The following ETNK2 variants were observed in gnomAD, a reference collection of about 807,000 sequenced individuals.
ETNK2 encodes the protein ethanolamine kinase-like protein.
Under a neutral mutation model 46.2 loss-of-function variants are expected in ETNK2, and 33 were observed. That is an observed-to-expected ratio of 0.71 (90% confidence interval 0.54 to 0.96). The LOEUF is 0.96. Ranked by LOEUF, ETNK2 falls within the 40% of genes least tolerant of loss-of-function variation. The pLI, the probability that ETNK2 is intolerant of heterozygous loss-of-function variation, is 0.00. For missense variants in ETNK2, 445 were observed against 509.7 expected (o/e 0.87, Z 1.22); for synonymous variants, 194 against 209.0 (o/e 0.93, Z 0.62).
chr1:204,134,833 C>A, intron 6 of ETNK2: 1 of 822,010 alleles, frequency 1.2e-6, no homozygotes, highest in Non-Finnish European at 1.9e-6. Context: ...TAATGTTTAC[C>A]AACCCTAAGG....
Position 204,141,403 on chromosome 1 carries a change from C to T in ETNK2, c.696G>A (p.Leu232=). 1 of 1,612,934 alleles carries T rather than the reference C, an allele frequency of 6.2e-7. No individual in the cohort carries two copies. Residue 232 remains leucine, a synonymous_variant, in exon 4 of 8, where the codon CTG becomes CTA. Transcript: ENST00000367202. The stretch of plus-strand genomic sequence containing the variant: ...ACTCCAGCTGGGACAGATGCTCCTT[C>T]AGCCAGGCCAGCTCCCGTTCCAACA... ...VEVLERELAW[L]KEHLSQLESP...
intron 3 of ETNK2, among the ~76,000 whole-genome samples, chr1:204,144,664 A>T (rs966629131): frequency 1.2e-4 from 19 of 152,162 alleles, no homozygotes; most frequent in Non-Finnish European, 2.2e-4. Context: ...TTGGCTACTT[A>T]GCCTGACATT....
chr1:204,137,254 G>C lies in ETNK2; in HGVS notation c.869-5C>G, dbSNP rs144520917. ...AGTAATCCACCTCATTCACGCCTGA[G>C]GGGGAGGCAGGCCAGACAAAGTTGC... On this transcript the variant is annotated splice_polypyrimidine_tract_variant and splice_region_variant and intron_variant, in intron 5 of 7. Coordinates refer to ENST00000367202, the MANE Select transcript of ETNK2 (RefSeq NM_018208.4). 1,145 of 1,613,142 alleles carry C rather than the reference G, an allele frequency of 7.1e-4. No individual in the cohort carries two copies. Among genetic ancestry groups the C allele is most frequent in the Non-Finnish European group, 9.4e-4 (1,108 of 1,179,412 alleles).
chr1:204,150,273 C>CT (rs1480305322), intron 1 of ETNK2, among the ~76,000 whole-genome samples: 3 of 152,180 alleles, frequency 2.0e-5, no homozygotes, highest in Non-Finnish European at 2.9e-5. Context: ...TAGACGCCTC[C>CT]TGCTGCTCCT....
intron 3 of ETNK2, chr1:204,142,666 G>C (rs944135481): frequency 6.6e-6 from 1 of 152,256 alleles, no homozygotes; most frequent in African/African-American, 2.4e-5. Context: ...AGAGCACATA[G>C]AGAAGGATGA....
At position 204,140,113 on chromosome 1, in the gene ETNK2, C is replaced by T. The variant is rs374969247; in HGVS notation, c.790G>A (p.Val264Met). ...GCATATTCATAGTCAATGAACCGCACGTGACCTATGAAGTAGAGGAGAATC... is the reference window on the plus strand; with the variant it reads ...GCATATTCATAGTCAATGAACCGCATGTGACCTATGAAGTAGAGGAGAATC... ...NIIYDSIKGH[V>M]RFIDYEYAGY... Residue 264 changes from valine to methionine, a missense_variant, in exon 5 of 8, where the codon GTG becomes ATG. Transcript: ENST00000367202. The T allele has an allele frequency of 1.5e-5, 24 of 1,613,520 alleles. No individual in the cohort carries two copies. Among genetic ancestry groups the T allele is most frequent in the Middle Eastern group, 1.7e-4 (1 of 6,060 alleles).
intron 2 of ETNK2, 87 bp from the exon 3 acceptor site, chr1:204,146,851 C>T: frequency 6.5e-7 from 1 of 1,550,168 alleles, no homozygotes; most frequent in Non-Finnish European, 8.8e-7. Context: ...AGGGACCCTC[C>T]AGGCCCACCA....
Position 204,151,662 on chromosome 1 carries a change from A to G in ETNK2, c.191T>C (p.Leu64Pro). ...FGISVDPDDILPGALRLIQEL... is the reference protein window; with the variant it reads ...FGISVDPDDIPPGALRLIQEL... ...CTGGATGAGGCGCAGGGCCCCGGGAAGGATGTCGTCCGGGTCCACGGAAAT... is the reference window on the plus strand; with the variant it reads ...CTGGATGAGGCGCAGGGCCCCGGGAGGGATGTCGTCCGGGTCCACGGAAAT... The change falls in exon 1 of 8, where the codon CTT (leucine) becomes CCT (proline). Residue 64 changes from leucine to proline, a missense_variant. By Grantham distance (98) the Leu-to-Pro change is moderately conservative. Coordinates refer to ENST00000367202, the MANE Select transcript of ETNK2 (RefSeq NM_018208.4). The surrounding 1 kb of genome is among the most constrained non-coding windows in gnomAD (Gnocchi z 8.0). 1 of 1,549,074 alleles carries G rather than the reference A, an allele frequency of 6.5e-7. No homozygotes were observed. Among genetic ancestry groups the G allele is most frequent in the Non-Finnish European group, 8.7e-7 (1 of 1,146,300 alleles).
rs1413121564 is a variant in ETNK2 at position 204,132,181 on chromosome 1, T to C, written c.*3A>G. ...ATGGGTAGGGGAGGGATGGGGTGGC[T>C]GGTCACTTTGGCATCTCCAAGGCTG... On this transcript the variant is annotated 3_prime_UTR_variant, in exon 8 of 8. Transcript: ENST00000367202. 39 of 1,568,194 alleles carry C rather than the reference T, an allele frequency of 2.5e-5. No individual in the cohort carries two copies. The highest frequency in any genetic ancestry group is 3.3e-5 in the Non-Finnish European group (38 of 1,156,164).
chr1:204,143,958 C>T (rs996181741), intron 3 of ETNK2, among the ~76,000 whole-genome samples: 6 of 152,066 alleles, frequency 3.9e-5, no homozygotes, highest in Non-Finnish European at 7.4e-5. Context: ...CACAGGTGTC[C>T]GACACATCCT....
chr1:204,137,570 G>A (rs920213550), intron 5 of ETNK2, among the ~76,000 whole-genome samples: 2 of 152,154 alleles, frequency 1.3e-5, no homozygotes, highest in Non-Finnish European at 2.9e-5. Flanking sequence ...CCCAACCCCT[G>A]CACAAAAATG....
intron 3 of ETNK2, among the ~76,000 whole-genome samples, chr1:204,145,118 T>C (rs2102298144): frequency 6.6e-6 from 1 of 152,352 alleles, no homozygotes. Context: ...TTGCTCATCA[T>C]TGTTCTGCTT....
chr1:204,136,605 G>A (rs996942274), intron 6 of ETNK2, among the ~76,000 whole-genome samples: 4 of 150,832 alleles, frequency 2.7e-5, no homozygotes, highest in Non-Finnish European at 4.4e-5. Context: ...CCAGCTACTT[G>A]GGAGGCTGAG....
chr1:204,144,242 A>T lies in ETNK2; in HGVS notation c.641+2400T>A, dbSNP rs959386078. The stretch of plus-strand genomic sequence containing the variant: ...GCACCAGTAATCCCAGCTACTTGGG[A>T]GGCTGAGGCAGAAGAATCACTTGAA... On this transcript the variant is annotated intron_variant, in intron 3 of 7. Transcript: ENST00000367202. 2.1e-4 allele frequency among the ~76,000 whole-genome samples: 31 copies of T among 147,858 alleles called. No individual in the cohort carries two copies. The Admixed American group carries it at 2.1e-3, about 10-fold the overall frequency.
At chr1:204,137,026 G>A in intron 6 of ETNK2, 78 bp downstream of exon 6, 1 of 1,567,538 alleles carries the variant, frequency 6.4e-7, no homozygotes, top group South Asian at 1.2e-5. Flanking sequence ...TGGGCTCTGG[G>A]TAGGAGGCTA....
At position 204,147,996 on chromosome 1, in the gene ETNK2, G is replaced by A. The variant is rs978705909; in HGVS notation, c.519-1232C>T. On this transcript the variant is annotated intron_variant, in intron 2 of 7. Coordinates refer to ENST00000367202, the MANE Select transcript of ETNK2 (RefSeq NM_018208.4). ...ATTCGGAACAGAGCATGAACAGAGC[G>A]TTTTCTTGAATATCAATAGGGCTGT... Among the ~76,000 whole-genome samples the A allele has an allele frequency of 8.5e-5, 13 of 152,188 alleles. No individual in the cohort carries two copies. In the South Asian group the frequency reaches 1.4e-3, roughly 17 times the overall value.
intron 7 of ETNK2, among the ~76,000 whole-genome samples, chr1:204,133,384 G>A (rs979942886): frequency 3.3e-5 from 5 of 151,922 alleles, no homozygotes; most frequent in Admixed American, 6.6e-5. Flanking sequence ...GTGCAGAAAG[G>A]TTCCAATTCC....
intron 6 of ETNK2, among the ~76,000 whole-genome samples, chr1:204,135,787 G>A (rs570952763): frequency 6.6e-5 from 10 of 152,222 alleles, no homozygotes; most frequent in South Asian, 2.1e-4. Flanking sequence ...TAGGGAATCC[G>A]AAATTACAGA....
At chr1:204,137,377 G>A in intron 5 of ETNK2, 128 bp from the exon 6 acceptor site, 1 of 1,229,448 alleles carries the variant, frequency 8.1e-7, no homozygotes, top group East Asian at 2.6e-5. Flanking sequence ...TGTGCCCAAG[G>A]AGGCGGCCCG....
Sources: allele counts gnomAD v4.1 joint callset (sites outside exome capture counted in the v4.1 genomes callset), GRCh38; gene constraint gnomAD v4.1.1; non-coding constraint Gnocchi (gnomAD v3.1); transcripts MANE v1.5; gene names NCBI Gene and HGNC (gene_info 2026-07-23, HGNC 2026-07-21).